The following COL21A1 variants were observed in gnomAD, a reference collection of about 807,000 sequenced individuals.
The protein encoded by COL21A1 is collagen alpha-1(XXI) chain.
COL21A1 carries 149 observed loss-of-function variants against 137.9 expected under a neutral mutation model. The ratio of observed to expected loss-of-function variants is 1.08; its 90% CI spans 0.95 to 1.24. COL21A1 has a LOEUF of 1.24. COL21A1 is among the 50% of genes most tolerant of loss of function. The probability of loss-of-function intolerance (pLI) is 0.00; values close to 1 mark genes in which losing one functional copy is unlikely to be tolerated. For missense variants in COL21A1, 1,167 were observed against 1,158.4 expected, an observed-to-expected ratio of 1.01 and a Z score of -0.11; for synonymous variants, 456 against 391.5, an observed-to-expected ratio of 1.16 and a Z score of -1.95.
chr6:56,185,667 C>G (rs1778234833), intron 1 of COL21A1, among the ~76,000 whole-genome samples: 1 of 151,844 alleles, frequency 6.6e-6, no homozygotes, highest in African/African-American at 2.4e-5. Context: ...GATCTCCTGA[C>G]CTCATGATCC....
chr6:56,379,535 AGAGAAGTAGG>A (rs2094005322), intron 1 of COL21A1, among the ~76,000 whole-genome samples: 1 of 152,216 alleles, frequency 6.6e-6, no homozygotes, highest in Non-Finnish European at 1.5e-5. Context: ...AGATGAATAT[AGAGAAGTAGG>A]ATAAAGCAAT....
At position 56,064,596 on chromosome 6, in the gene COL21A1, C is replaced by T; in HGVS notation, c.2154G>A (p.Gln718=). The T allele has an allele frequency of 1.3e-6, 2 of 1,595,394 alleles. No homozygotes were observed. Among genetic ancestry groups the T allele is most frequent in the Non-Finnish European group, 1.7e-6 (2 of 1,170,056 alleles). ...IQGQKGENGR[Q]GIPGQQGIQG... Reference sequence around the variant, plus strand: ...AAAATACCTGTTGCCCTGGAATTCCCTGTCTTCCATTTTCTCCCTTTTGAC... The same window carrying T: ...AAAATACCTGTTGCCCTGGAATTCCTTGTCTTCCATTTTCTCCCTTTTGAC... The change falls in exon 24 of 30, where the codon CAG becomes CAA. Residue 718 remains glutamine (Q), a synonymous_variant. Coordinates refer to ENST00000244728, the MANE Select transcript of COL21A1 (RefSeq NM_030820.4).
intron 17 of COL21A1, among the ~76,000 whole-genome samples, chr6:56,079,820 T>C (rs1767590511): frequency 1.3e-5 from 2 of 151,634 alleles, no homozygotes; most frequent in African/African-American, 4.8e-5. Flanking sequence ...CTATGTCCAA[T>C]TATGCTAAGA....
chr6:56,154,221 C>T (rs1210115602), intron 10 of COL21A1, among the ~76,000 whole-genome samples: 5 of 152,202 alleles, frequency 3.3e-5, no homozygotes, highest in Non-Finnish European at 5.9e-5. Flanking sequence ...CTCACTCACA[C>T]TCTCATCTTG....
chr6:56,226,754 C>A (rs1781221374), intron 1 of COL21A1, among the ~76,000 whole-genome samples: 2 of 152,100 alleles, frequency 1.3e-5, no homozygotes, highest in South Asian at 4.1e-4. Flanking sequence ...ATCCAATGTT[C>A]CTCACTTCCA....
intron 1 of COL21A1, among the ~76,000 whole-genome samples, chr6:56,294,575 C>G (rs574532188): frequency 6.6e-6 from 1 of 151,998 alleles, no homozygotes; most frequent in African/African-American, 2.4e-5. Context: ...ACTACTGATA[C>G]GGCAATACTA....
intron 1 of COL21A1, among the ~76,000 whole-genome samples, chr6:56,386,260 T>G (rs1034233496): frequency 1.3e-5 from 2 of 152,240 alleles, no homozygotes; most frequent in South Asian, 4.1e-4. Flanking sequence ...CATTCCTTTT[T>G]ATGGCTGAAT....
At position 56,141,943 on chromosome 6, in the gene COL21A1, G is replaced by T. The variant is rs575546564; in HGVS notation, c.1475C>A (p.Ser492Tyr). 2 of 1,546,536 alleles carry T rather than the reference G, an allele frequency of 1.3e-6. No homozygotes were observed. Among genetic ancestry groups the T allele is most frequent in the South Asian group, 2.4e-5 (2 of 83,504 alleles). ...GIAGTPGVPG[S>Y]PGIQGARGLP... ...TGGATCACATACTTGTATTCCTGGAGATCCTGGAACACCTGGTGTCCCTGC... is the reference window on the plus strand; with the variant it reads ...TGGATCACATACTTGTATTCCTGGATATCCTGGAACACCTGGTGTCCCTGC... The change falls in exon 11 of 30, where the codon TCT (serine) becomes TAT (tyrosine). Residue 492 changes from serine to tyrosine, a missense_variant. Ser to Tyr is a moderately radical substitution (Grantham distance 144, BLOSUM62 -2). Coordinates refer to ENST00000244728, the MANE Select transcript of COL21A1 (RefSeq NM_030820.4).
chr6:56,216,508 T>C (rs1183642108), intron 1 of COL21A1, among the ~76,000 whole-genome samples: 4 of 152,066 alleles, frequency 2.6e-5, no homozygotes, highest in African/African-American at 9.7e-5. Context: ...TTAAATGTGC[T>C]GAAAATTCTG....
At chr6:56,161,610 AG>A (rs1467841402) in intron 9 of COL21A1, among the ~76,000 whole-genome samples, 23 of 152,338 alleles carry the variant, frequency 1.5e-4, no homozygotes, top group African/African-American at 5.5e-4. Flanking sequence ...GAACAAAAGA[AG>A]GGCTTGCATA....
chr6:56,341,612 T>C lies in COL21A1; in HGVS notation c.-39+52359A>G, dbSNP rs183872303. On this transcript the variant is annotated intron_variant, in intron 1 of 28. Transcript: ENST00000370819. ...GGATGAATAGGTGGGGCACAGAGGA[T>C]TTAATGGCAGTGAAACTACCTTGTA... Among the ~76,000 whole-genome samples, 30 of 152,278 alleles carry C rather than the reference T, an allele frequency of 2.0e-4. No homozygotes were observed. The East Asian group carries it at 4.6e-3, about 23-fold the overall frequency.
Position 56,258,901 on chromosome 6 carries a change from G to A in COL21A1, c.-38-76245C>T, listed in dbSNP as rs114986564. Reference sequence around the variant, plus strand: ...AAAAAGAAAAACCAGATCTGTATTTGGAATATTTTGAGAGCTGCTGCATAC... The same window carrying A: ...AAAAAGAAAAACCAGATCTGTATTTAGAATATTTTGAGAGCTGCTGCATAC... On this transcript the variant is annotated intron_variant, in intron 1 of 28. Transcript: ENST00000370819. 3.5e-3 allele frequency among the ~76,000 whole-genome samples: 535 copies of A among 152,132 alleles called. 1 individual carries two copies. The highest frequency in any genetic ancestry group is 0.012 in the African/African-American group (505 of 41,490).
intron 1 of COL21A1, among the ~76,000 whole-genome samples, chr6:56,383,419 A>T (rs62412454): frequency 1.2e-4 from 19 of 152,194 alleles, no homozygotes; most frequent in Non-Finnish European, 2.5e-4. Context: ...CATTGCAAGA[A>T]CTGTTTTCTT....
rs549007542 is a variant in COL21A1, at chr6:56,084,216, A to AG, written c.1813-6644_1813-6643insC. Among the ~76,000 whole-genome samples the AG allele has an allele frequency of 1.3e-3, 201 of 150,062 alleles. 1 individual carries two copies. Among genetic ancestry groups the AG allele is most frequent in the African/African-American group, 4.8e-3 (198 of 41,264 alleles). On this transcript the variant is annotated intron_variant, in intron 17 of 29. Transcript: ENST00000244728. Reference sequence around the variant, plus strand: ...AAAATATTGCCTAAGTATGCAGAAAAAATATATATATATAAAAAACATTAA... The same window carrying AG: ...AAAATATTGCCTAAGTATGCAGAAAAGAATATATATATATAAAAAACATTAA...
chr6:56,170,731 C>T lies in COL21A1; in HGVS notation c.944G>A (p.Gly315Asp), dbSNP rs1260032098. The change falls in exon 5 of 30, where the codon GGT becomes GAT. Residue 315 changes from glycine to aspartate, a missense_variant. By Grantham distance (94) the Gly-to-Asp change is moderately conservative. Coordinates refer to ENST00000244728, the MANE Select transcript of COL21A1 (RefSeq NM_030820.4). ...GRPQIAVTLN[G>D]VDKILLFTTT... is the part of the protein sequence containing the mutation. Reference sequence around the variant, plus strand: ...TGTAAATAATAAGATTTTGTCCACACCATTTAAGGTAACTGCTATTTGTGG... The same window carrying T: ...TGTAAATAATAAGATTTTGTCCACATCATTTAAGGTAACTGCTATTTGTGG... The T allele has an allele frequency of 1.9e-6, 3 of 1,607,744 alleles. No individual in the cohort carries two copies. Among genetic ancestry groups the T allele is most frequent in the South Asian group, 2.2e-5 (2 of 90,288 alleles).
At chr6:56,208,752 T>C (rs920394892) in intron 1 of COL21A1, among the ~76,000 whole-genome samples, 9 of 152,172 alleles carry the variant, frequency 5.9e-5, no homozygotes, top group African/African-American at 2.2e-4. Flanking sequence ...GCTGGAGGCA[T>C]GATGCTACCT....
intron 1 of COL21A1, among the ~76,000 whole-genome samples, chr6:56,277,376 T>A (rs1364936353): frequency 1.3e-5 from 2 of 152,186 alleles, no homozygotes; most frequent in Admixed American, 1.3e-4. Context: ...TTCCCACCTA[T>A]GAGTGAGAAT....
In COL21A1 at chr6:56,072,964, C is replaced by T. The variant is rs553048355; in HGVS notation, c.1965+1268G>A. Among the ~76,000 whole-genome samples, 16 of 151,518 alleles carry T rather than the reference C, an allele frequency of 1.1e-4. 1 individual carries two copies. In the South Asian group the frequency reaches 3.1e-3, roughly 29 times the overall value. ...ATAAACAAACTGTGATACTGGAAAT[C>T]CTCACTGGCCTACCCAGCCAAATCA... is the stretch of plus-strand genomic sequence containing the variant. On this transcript the variant is annotated intron_variant, in intron 20 of 29. Coordinates refer to ENST00000244728, the MANE Select transcript of COL21A1 (RefSeq NM_030820.4).
chr6:56,322,567 A>C (rs1478812985), intron 1 of COL21A1, among the ~76,000 whole-genome samples: 1 of 152,152 alleles, frequency 6.6e-6, no homozygotes, highest in Non-Finnish European at 1.5e-5. Context: ...ATTAATAAAG[A>C]TGTGTTTGAA....
Sources: gnomAD v4.1 joint callset for allele counts (sites outside exome capture counted in the v4.1 genomes callset) on GRCh38, gnomAD v4.1.1 for gene constraint, MANE v1.5 for transcripts, NCBI Gene and HGNC (gene_info 2026-07-23, HGNC 2026-07-21) for gene names.